Variants in CADM2 observed in about 807,000 individuals in gnomAD.
The protein encoded by CADM2 is immunoglobulin superfamily member 4D.
CADM2 carries 12 observed loss-of-function variants against 49.8 expected under a neutral mutation model. The ratio of observed to expected loss-of-function variants is 0.24; its 90% CI spans 0.15 to 0.39. CADM2 has a LOEUF of 0.39. Among genes scored for constraint, CADM2 ranks in the 10% least tolerant of loss-of-function variants. CADM2 has a pLI of 1.00. For synonymous variants in CADM2, 214 were observed against 175.4 expected (o/e 1.22, Z -1.74); for missense variants, 378 against 492.3 (o/e 0.77, Z 2.20).
chr3:85,210,739 G>T (rs545028529), intron 1 of CADM2, among the ~76,000 whole-genome samples: 92 of 151,996 alleles, frequency 6.1e-4, no homozygotes, highest in African/African-American at 2.1e-3. Flanking sequence ...ATGAGTTTTT[G>T]CCATGTTGCC....
chr3:85,733,639 G>A (rs896753414), intron 2 of CADM2, among the ~76,000 whole-genome samples: 7 of 152,076 alleles, frequency 4.6e-5, no homozygotes, highest in Non-Finnish European at 1.0e-4. Flanking sequence ...GAGCTTCACT[G>A]TGCACATGTG....
At chr3:85,807,035 A>T (rs528905895) in intron 3 of CADM2, among the ~76,000 whole-genome samples, 4 of 152,186 alleles carry the variant, frequency 2.6e-5, no homozygotes, top group Admixed American at 6.5e-5. Flanking sequence ...AGAACTTTGA[A>T]TCCAGGTGTA....
chr3:85,611,664 T>C (rs980071409), intron 1 of CADM2, among the ~76,000 whole-genome samples: 1 of 151,652 alleles, frequency 6.6e-6, no homozygotes, highest in Non-Finnish European at 1.5e-5. Flanking sequence ...CCACTGTCCC[T>C]GAACTATTCC....
intron 2 of CADM2, among the ~76,000 whole-genome samples, chr3:85,734,970 A>G (rs1312175727): frequency 8.1e-6 from 1 of 122,704 alleles, no homozygotes; most frequent in African/African-American, 3.7e-5. Flanking sequence ...GCAACTAGAA[A>G]TATATATATG....
At chr3:85,761,321 A>C (rs2069360992) in intron 2 of CADM2, among the ~76,000 whole-genome samples, 1 of 151,982 alleles carries the variant, frequency 6.6e-6, no homozygotes, top group Non-Finnish European at 1.5e-5. Context: ...AACCTAAGTA[A>C]AAGCAATAAT....
At chr3:84,980,978 T>A (rs977799187) in intron 1 of CADM2, among the ~76,000 whole-genome samples, 9 of 133,804 alleles carry the variant, frequency 6.7e-5, no homozygotes, top group Admixed American at 4.9e-4. Flanking sequence ...AATATAGGAA[T>A]TTTTTTTTAT....
chr3:86,050,799 C>A (rs2107320270), intron 8 of CADM2, among the ~76,000 whole-genome samples: 1 of 152,234 alleles, frequency 6.6e-6, no homozygotes, highest in Admixed American at 6.5e-5. Flanking sequence ...AGAAGTGTCC[C>A]AAGGTTGCAC....
intron 6 of CADM2, among the ~76,000 whole-genome samples, chr3:85,922,493 A>T (rs1323178722): frequency 6.6e-6 from 1 of 152,088 alleles, no homozygotes; most frequent in Non-Finnish European, 1.5e-5. Context: ...ACAAAATTTA[A>T]ACAGAAAAAC....
At chr3:85,304,567 C>T (rs917469250) in intron 1 of CADM2, among the ~76,000 whole-genome samples, 2 of 151,740 alleles carry the variant, frequency 1.3e-5, no homozygotes, top group African/African-American at 4.8e-5. Flanking sequence ...CACCAGAGGG[C>T]ATAAATTTTC....
chr3:85,107,148 G>T (rs758921829), intron 1 of CADM2, among the ~76,000 whole-genome samples: 1 of 152,026 alleles, frequency 6.6e-6, no homozygotes, highest in Non-Finnish European at 1.5e-5. Context: ...CATTGGCATT[G>T]GCACAAAGGA....
chr3:85,657,711 CAGAT>C lies in CADM2; in HGVS notation c.62-68809_62-68806del, dbSNP rs1430557331. ...ATATATATACAGATATATATATACA[CAGAT>C]ATATATATATACAGATATATATATA... On this transcript the variant is annotated intron_variant, in intron 1 of 9. Coordinates refer to ENST00000383699, the MANE Select transcript of CADM2 (RefSeq NM_001167675.2). Among the ~76,000 whole-genome samples the C allele has an allele frequency of 1.6e-4, 7 of 43,164 alleles. No homozygotes were observed. In the South Asian group the frequency reaches 2.4e-3, roughly 15 times the overall value. The allele number at this position is 43,164 out of a possible 152,430, so 28.3% of individuals were successfully genotyped here. A position where few individuals can be genotyped will look rare whatever the true frequency, so the allele number is the denominator to read the frequency against.
intron 2 of CADM2, 118 bp downstream of exon 2, chr3:85,726,666 T>C (rs2067707434): frequency 3.1e-6 from 2 of 638,954 alleles, no homozygotes; most frequent in Admixed American, 5.4e-5. Flanking sequence ...AGTGTATAGA[T>C]ATTGTTCATA....
intron 3 of CADM2, among the ~76,000 whole-genome samples, chr3:85,803,601 T>C (rs2072208276): frequency 6.6e-6 from 1 of 152,038 alleles, no homozygotes; most frequent in Non-Finnish European, 1.5e-5. Flanking sequence ...GTTTGAAAAA[T>C]GCAGGGCAGG....
chr3:85,895,712 T>G (rs978535932), intron 5 of CADM2, among the ~76,000 whole-genome samples: 2 of 152,050 alleles, frequency 1.3e-5, no homozygotes, highest in African/African-American at 4.8e-5. Flanking sequence ...TCCATGCTGT[T>G]CTTGTAATAG....
intron 1 of CADM2, among the ~76,000 whole-genome samples, chr3:85,638,702 A>G (rs1427986682): frequency 6.6e-6 from 1 of 152,080 alleles, no homozygotes; most frequent in Non-Finnish European, 1.5e-5. Flanking sequence ...AAATGCCTTA[A>G]TCATTCCATA....
intron 1 of CADM2, among the ~76,000 whole-genome samples, chr3:85,231,707 C>CT (rs754139147): frequency 0.034 from 4,405 of 130,638 alleles, 92 homozygotes; most frequent in Non-Finnish European, 0.054. Flanking sequence ...AGTTTCCTTT[C>CT]TTTTTTTTTT....
chr3:85,044,325 A>T (rs1646511242), intron 1 of CADM2, among the ~76,000 whole-genome samples: 1 of 152,094 alleles, frequency 6.6e-6, no homozygotes, highest in African/African-American at 2.4e-5. Context: ...CCCCACCATA[A>T]AAAAAGACCT....
At chr3:86,053,468 T>A (rs1430602799) in intron 8 of CADM2, among the ~76,000 whole-genome samples, 1 of 152,162 alleles carries the variant, frequency 6.6e-6, no homozygotes, top group Non-Finnish European at 1.5e-5. Flanking sequence ...TTTCTTCCAA[T>A]GTCTTCGTGG....
intron 2 of CADM2, among the ~76,000 whole-genome samples, chr3:85,760,339 C>CTT (rs11452370): frequency 6.1e-5 from 9 of 146,934 alleles, no homozygotes; most frequent in East Asian, 2.0e-4. Flanking sequence ...ATGGATACTT[C>CTT]TTTTTTTTTT....
Sources: allele counts gnomAD v4.1 joint callset (sites outside exome capture counted in the v4.1 genomes callset), GRCh38; gene constraint gnomAD v4.1.1; transcripts MANE v1.5; gene names NCBI Gene and HGNC (gene_info 2026-07-23, HGNC 2026-07-21).